Variants in AUTS2 observed in about 807,000 individuals in gnomAD.
AUTS2 encodes activator of transcription and developmental regulator AUTS2.
In AUTS2, 17 loss-of-function variants were observed where a neutral mutation model predicts 112.4. The observed-to-expected ratio is 0.15, with a 90% CI of 0.10 to 0.23. AUTS2 has a LOEUF of 0.23. Ranked by LOEUF, AUTS2 falls within the 10% of genes least tolerant of loss-of-function variation. The probability of loss-of-function intolerance (pLI) is 1.00; values close to 1 mark genes in which losing one functional copy is unlikely to be tolerated. For synonymous variants in AUTS2, 751 were observed against 702.7 expected, an observed-to-expected ratio of 1.07 and a Z score of -1.09; for missense variants, 1,510 against 1,701.6, an observed-to-expected ratio of 0.89 and a Z score of 1.98.
intron 5 of AUTS2, among the ~76,000 whole-genome samples, chr7:70,620,950 C>T (rs114376258): frequency 0.022 from 3,281 of 152,318 alleles, 131 homozygotes; most frequent in African/African-American, 0.075. Context: ...AGTTCAGCAG[C>T]TGAGCAGCGA....
chr7:70,680,514 C>G (rs1808154300), intron 5 of AUTS2, among the ~76,000 whole-genome samples: 1 of 152,198 alleles, frequency 6.6e-6, no homozygotes, highest in Non-Finnish European at 1.5e-5. Flanking sequence ...TGATCCGGTC[C>G]AGGTCGGTTC....
At chr7:70,424,388 T>C (rs1224830457) in intron 4 of AUTS2, among the ~76,000 whole-genome samples, 1 of 152,166 alleles carries the variant, frequency 6.6e-6, no homozygotes, top group Non-Finnish European at 1.5e-5. Flanking sequence ...TTTCTTTGTA[T>C]AGCCTGAGAG....
chr7:70,427,790 A>G (rs1158813440), intron 4 of AUTS2, among the ~76,000 whole-genome samples: 2 of 152,202 alleles, frequency 1.3e-5, no homozygotes, highest in African/African-American at 4.8e-5. Flanking sequence ...TAGCCCCCTC[A>G]GATCACATTG....
Position 70,763,318 on chromosome 7 carries a change from T to C in AUTS2, c.1191T>C (p.Ser397=). The change falls in exon 7 of 19, where the codon AGT becomes AGC. Residue 397 remains serine, a synonymous_variant. Transcript: ENST00000342771. ...AGCCATTGTCAGCCTACAACAGCAG[T>C]AGCTTAAGCCTCAACAGTTTAAGGT... ...LSQPLSAYNS[S]SLSLNSLSSS... is the part of the protein sequence containing the mutation. 14 of 1,589,598 alleles carry C rather than the reference T, an allele frequency of 8.8e-6. No homozygotes were observed. Among genetic ancestry groups the C allele is most frequent in the Non-Finnish European group, 1.2e-5 (14 of 1,166,514 alleles).
At position 70,144,979 on chromosome 7, in the gene AUTS2, T is replaced by G. The variant is rs1807055056; in HGVS notation, c.660+10408T>G. Among the ~76,000 whole-genome samples the G allele has an allele frequency of 1.3e-5, 2 of 152,148 alleles. 1 individual carries two copies. The highest frequency in any genetic ancestry group is 4.1e-4 in the South Asian group (2 of 4,834). On this transcript the variant is annotated intron_variant, in intron 4 of 18. Coordinates refer to ENST00000342771, the MANE Select transcript of AUTS2 (RefSeq NM_015570.4). ...GTATACTTGGCTTATTACTTTAACT[T>G]ATGTAGATTCTGTCATGTCATATAT...
chr7:70,142,549 G>A (rs1463913150), intron 4 of AUTS2, among the ~76,000 whole-genome samples: 1 of 152,126 alleles, frequency 6.6e-6, no homozygotes, highest in African/African-American at 2.4e-5. Flanking sequence ...TGAAAGTAAT[G>A]TATTTTAAAA....
At chr7:70,022,042 T>G (rs1310957647) in intron 2 of AUTS2, among the ~76,000 whole-genome samples, 1 of 150,050 alleles carries the variant, frequency 6.7e-6, no homozygotes, top group Non-Finnish European at 1.5e-5. Flanking sequence ...GTGGTGAGAG[T>G]CAACCTGTGA....
At chr7:69,969,761 AAATTCCTCTC>A (rs1400026073) in intron 2 of AUTS2, among the ~76,000 whole-genome samples, 1 of 152,200 alleles carries the variant, frequency 6.6e-6, no homozygotes, top group African/African-American at 2.4e-5. Context: ...ACAAAAAAAG[AAATTCCTCTC>A]TTGATTGTCA....
At chr7:70,761,923 T>C (rs917657554) in intron 6 of AUTS2, among the ~76,000 whole-genome samples, 1 of 152,232 alleles carries the variant, frequency 6.6e-6, no homozygotes, top group Non-Finnish European at 1.5e-5. Context: ...GTGTAGTTGA[T>C]GGGAAACTTT....
chr7:70,703,213 G>A (rs1285044780), intron 6 of AUTS2, among the ~76,000 whole-genome samples: 9 of 152,148 alleles, frequency 5.9e-5, no homozygotes, highest in East Asian at 3.9e-4. Context: ...ACCCATTCCC[G>A]CCGAGCATGG....
chr7:70,739,922 T>C (rs575031424), intron 6 of AUTS2, among the ~76,000 whole-genome samples: 1 of 152,170 alleles, frequency 6.6e-6, no homozygotes, highest in South Asian at 2.1e-4. Flanking sequence ...AAGACAGCCC[T>C]TCAAATGTTG....
chr7:69,888,495 C>G (rs927455493), intron 1 of AUTS2, among the ~76,000 whole-genome samples: 1 of 144,086 alleles, frequency 6.9e-6, no homozygotes, highest in African/African-American at 2.6e-5. Context: ...GGATCCAATC[C>G]CATGACCCAA....
At chr7:70,785,589 C>T (rs1284778509) in intron 16 of AUTS2, 2 of 441,604 alleles carry the variant, frequency 4.5e-6, no homozygotes, top group South Asian at 1.7e-5. Flanking sequence ...AGAGTTTCAT[C>T]ATGGATTCAG....
intron 5 of AUTS2, among the ~76,000 whole-genome samples, chr7:70,523,224 C>G (rs926744655): frequency 1.3e-5 from 2 of 152,116 alleles, no homozygotes; most frequent in African/African-American, 4.8e-5. Context: ...GGTAATATGG[C>G]CCTAGTGTGT....
At chr7:70,747,395 C>A (rs1174858394) in intron 6 of AUTS2, among the ~76,000 whole-genome samples, 1 of 152,222 alleles carries the variant, frequency 6.6e-6, no homozygotes, top group Non-Finnish European at 1.5e-5. Context: ...TTCCCACTGT[C>A]TCTTTCTAGA....
chr7:69,881,304 T>C (rs1794033405), intron 1 of AUTS2, among the ~76,000 whole-genome samples: 1 of 152,102 alleles, frequency 6.6e-6, no homozygotes, highest in East Asian at 1.9e-4. Context: ...CCCTGTTCCA[T>C]TAAGCCTTGT....
At chr7:69,691,959 T>C (rs1797367160) in intron 1 of AUTS2, among the ~76,000 whole-genome samples, 1 of 152,180 alleles carries the variant, frequency 6.6e-6, no homozygotes, top group South Asian at 2.1e-4. Context: ...CTGTGTAAGC[T>C]TCAGATGCCT....
intron 1 of AUTS2, among the ~76,000 whole-genome samples, chr7:69,767,011 G>A (rs1788453595): frequency 6.6e-6 from 1 of 152,232 alleles, no homozygotes. Flanking sequence ...ATATGCTTGA[G>A]GAAGAACTGA....
chr7:70,767,735 C>G lies in AUTS2; in HGVS notation c.1690-289C>G, dbSNP rs758786932. Among the ~76,000 whole-genome samples the G allele has an allele frequency of 3.9e-5, 6 of 152,144 alleles. 1 individual carries two copies. The highest frequency in any genetic ancestry group is 8.8e-5 in the Non-Finnish European group (6 of 68,020). On this transcript the variant is annotated intron_variant, in intron 9 of 18. Transcript: ENST00000342771. Reference sequence around the variant, plus strand: ...TTATCTGGATAATTGGCTGTTCTCTCCTGTTTAGAGGTTTGGTTCGTGCCA... The same window carrying G: ...TTATCTGGATAATTGGCTGTTCTCTGCTGTTTAGAGGTTTGGTTCGTGCCA...
Sources: allele counts gnomAD v4.1 joint callset (sites outside exome capture counted in the v4.1 genomes callset), GRCh38; gene constraint gnomAD v4.1.1; transcripts MANE v1.5; gene names NCBI Gene and HGNC (gene_info 2026-07-23, HGNC 2026-07-21).